BACH2: variants seen among roughly 807,000 people sequenced by gnomAD.
BACH2 encodes transcription regulator protein BACH2.
A neutral mutation model predicts 61.8 loss-of-function variants in BACH2; 5 were observed. That is an observed-to-expected ratio of 0.08 (90% CI 0.04 to 0.17). The LOEUF is 0.17. BACH2 is among the 10% of genes least tolerant of loss of function. BACH2 has a pLI of 1.00. For missense variants in BACH2, 824 were observed against 1,091.1 expected, an observed-to-expected ratio of 0.76 and a Z score of 3.45; for synonymous variants, 446 against 440.1, an observed-to-expected ratio of 1.01 and a Z score of -0.17.
At chr6:90,057,564 A>G (rs1185653291) in intron 5 of BACH2, among the ~76,000 whole-genome samples, 1 of 152,232 alleles carries the variant, frequency 6.6e-6, no homozygotes, top group Non-Finnish European at 1.5e-5. Flanking sequence ...AGCTGGTACC[A>G]TTCCTTCTGA....
intron 3 of BACH2, among the ~76,000 whole-genome samples, chr6:90,223,813 T>G (rs1002776818): frequency 6.6e-6 from 1 of 152,140 alleles, no homozygotes; most frequent in African/African-American, 2.4e-5. Flanking sequence ...TATGATTTAC[T>G]TCTGTGTCTG....
At chr6:90,015,205 C>A (rs1326886304) in intron 5 of BACH2, among the ~76,000 whole-genome samples, 1 of 152,096 alleles carries the variant, frequency 6.6e-6, no homozygotes, top group Non-Finnish European at 1.5e-5. Flanking sequence ...AGAGGCTTAA[C>A]CATTTTACTG....
chr6:90,077,488 T>C (rs1482341786), intron 5 of BACH2, among the ~76,000 whole-genome samples: 1 of 152,176 alleles, frequency 6.6e-6, no homozygotes, highest in African/African-American at 2.4e-5. Flanking sequence ...CAGATTTCCC[T>C]GGCAGAGTTG....
chr6:90,160,789 T>A (rs575572044), intron 4 of BACH2, among the ~76,000 whole-genome samples: 118 of 152,278 alleles, frequency 7.7e-4, no homozygotes, highest in African/African-American at 2.7e-3. Flanking sequence ...CCACTTATGG[T>A]CTTTATGAAA....
chr6:89,986,878 T>G (rs765235839), intron 6 of BACH2, among the ~76,000 whole-genome samples: 1 of 152,230 alleles, frequency 6.6e-6, no homozygotes. Flanking sequence ...GATTTCAGTA[T>G]GTCAGCTGAC....
intron 4 of BACH2, among the ~76,000 whole-genome samples, chr6:90,169,681 T>C (rs1177476013): frequency 6.6e-6 from 1 of 152,246 alleles, no homozygotes; most frequent in African/African-American, 2.4e-5. Flanking sequence ...TGCCTGCTGC[T>C]TTGCACCCTG....
intron 3 of BACH2, among the ~76,000 whole-genome samples, chr6:90,240,653 C>T (rs183067216): frequency 6.6e-6 from 1 of 152,160 alleles, no homozygotes; most frequent in Non-Finnish European, 1.5e-5. Flanking sequence ...GGCAAATGGA[C>T]TTTAAAAATG....
At chr6:89,970,535 T>C (rs572421093) in intron 6 of BACH2, among the ~76,000 whole-genome samples, 1 of 152,342 alleles carries the variant, frequency 6.6e-6, no homozygotes, top group East Asian at 1.9e-4. Flanking sequence ...AAAAACATAA[T>C]ATCAGGTGTT....
At chr6:89,987,360 C>T (rs943086809) in intron 6 of BACH2, among the ~76,000 whole-genome samples, 7 of 152,102 alleles carry the variant, frequency 4.6e-5, no homozygotes, top group African/African-American at 1.7e-4. Context: ...TGCTCTTTAC[C>T]ACTCAAATCA....
chr6:90,057,743 G>A (rs1053915982), intron 5 of BACH2, among the ~76,000 whole-genome samples: 2 of 152,154 alleles, frequency 1.3e-5, no homozygotes, highest in Admixed American at 1.3e-4. Context: ...CTGGCAAACT[G>A]AATCCAGCAG....
At chr6:90,292,042 T>C (rs1403071424) in intron 1 of BACH2, among the ~76,000 whole-genome samples, 1 of 152,210 alleles carries the variant, frequency 6.6e-6, no homozygotes, top group African/African-American at 2.4e-5. Context: ...TTACATTTTA[T>C]ATTGTTCTCT....
intron 5 of BACH2, among the ~76,000 whole-genome samples, chr6:90,053,428 C>A (rs117933704): frequency 1.3e-5 from 2 of 152,106 alleles, no homozygotes; most frequent in Non-Finnish European, 2.9e-5. Context: ...TACAGGTATA[C>A]ACCACCCATT....
chr6:90,100,702 GACAC>G (rs372719418), intron 4 of BACH2, among the ~76,000 whole-genome samples: 29 of 64,272 alleles, frequency 4.5e-4, no homozygotes, highest in East Asian at 3.0e-3. Context: ...CACACACACA[GACAC>G]ACACACACAC....
chr6:90,095,228 GTT>G (rs35734303), intron 4 of BACH2, among the ~76,000 whole-genome samples: 148 of 147,788 alleles, frequency 1.0e-3, no homozygotes, highest in African/African-American at 3.2e-3. Flanking sequence ...CAGAGATGAA[GTT>G]TTTTTTTTTT....
At chr6:90,118,035 A>G (rs1678711481) in intron 4 of BACH2, among the ~76,000 whole-genome samples, 1 of 152,086 alleles carries the variant, frequency 6.6e-6, no homozygotes, top group South Asian at 2.1e-4. Context: ...TTCATTTATG[A>G]CTCATTATAG....
intron 5 of BACH2, among the ~76,000 whole-genome samples, chr6:90,078,561 AGAG>A (rs1386992831): frequency 2.0e-5 from 3 of 152,202 alleles, no homozygotes; most frequent in Admixed American, 1.3e-4. Context: ...CTCCAAGAAT[AGAG>A]GAGAACTCCC....
rs1780765969 is a variant in BACH2, at chr6:90,062,995, A to G, written c.-13+25966T>C. The G allele has an allele frequency of 6.7e-6, 6 of 895,734 alleles. No homozygotes were observed. The South Asian group carries it at 3.1e-4, about 46-fold the overall frequency. The allele number at this position is 895,734 out of a possible 1,614,324, so 55.5% of individuals were successfully genotyped here. On this transcript the variant is annotated intron_variant, in intron 5 of 8. Coordinates refer to ENST00000257749, the MANE Select transcript of BACH2 (RefSeq NM_021813.4). The stretch of plus-strand genomic sequence containing the variant: ...ATTTGAATAAAATGAAAATACAACC[A>G]GATGTATAGGGAAAAGAGTTTTTAG...
In BACH2 at chr6:89,929,684, C is replaced by T. The variant is rs1048598604; in HGVS notation, c.*2724G>A. 1 of 152,216 alleles carries T rather than the reference C, an allele frequency of 6.6e-6. No individual in the cohort carries two copies. Among genetic ancestry groups the T allele is most frequent in the Non-Finnish European group, 1.5e-5 (1 of 68,034 alleles). 9.4% of individuals were successfully genotyped at this position (152,216 alleles called of 1,614,324 possible). ...GGTGGAGAGAAATAAAGAGGCCCCG[C>T]CCCTGCTAGAAATGGCTGCCAAACA... On this transcript the variant is annotated 3_prime_UTR_variant, in exon 9 of 9. Transcript: ENST00000257749.
intron 4 of BACH2, among the ~76,000 whole-genome samples, chr6:90,139,138 C>T (rs570450932): frequency 9.8e-5 from 15 of 152,322 alleles, no homozygotes; most frequent in African/African-American, 2.9e-4. Flanking sequence ...ATGAATCCAT[C>T]ACCAGATTTT....
Sources: gnomAD v4.1 joint callset for allele counts (sites outside exome capture counted in the v4.1 genomes callset) on GRCh38, gnomAD v4.1.1 for gene constraint, MANE v1.5 for transcripts, NCBI Gene and HGNC (gene_info 2026-07-23, HGNC 2026-07-21) for gene names.